CDH7: variants seen among roughly 807,000 people sequenced by gnomAD.
The protein encoded by CDH7 is cadherin 7.
Under a neutral mutation model 71.8 loss-of-function variants are expected in CDH7, and 25 were observed. The ratio of observed to expected loss-of-function variants is 0.35; its 90% CI spans 0.25 to 0.49. The LOEUF (loss-of-function observed/expected upper bound fraction) is 0.49, where lower values mean the gene tolerates loss of function less well. Ranked by LOEUF, CDH7 falls within the 20% of genes least tolerant of loss-of-function variation. CDH7 has a pLI of 0.99. For synonymous variants in CDH7, 381 were observed against 363.8 expected (o/e 1.05, Z -0.54); for missense variants, 862 against 974.6 (o/e 0.88, Z 1.54).
rs142237499 is a variant in CDH7 at position 65,828,071 on chromosome 18, T to C, written c.981+3240T>C. 1.6e-3 allele frequency among the ~76,000 whole-genome samples: 242 copies of C among 151,858 alleles called. 1 individual carries two copies. Among genetic ancestry groups the C allele is most frequent in the African/African-American group, 5.7e-3 (236 of 41,454 alleles). On this transcript the variant is annotated intron_variant, in intron 6 of 11. Transcript: ENST00000397968. ...GAGTAGATACTAGATAGTGGGAAAA[T>C]TAACTAGTATACAGGAGCTTAATTT...
intron 2 of CDH7, among the ~76,000 whole-genome samples, chr18:65,800,262 A>G (rs764097965): frequency 1.4e-4 from 21 of 151,768 alleles, no homozygotes; most frequent in Non-Finnish European, 2.9e-4. Flanking sequence ...TGTATTTTTA[A>G]TAGAGACAGG....
At chr18:65,794,469 C>T (rs1910834266) in intron 2 of CDH7, among the ~76,000 whole-genome samples, 1 of 151,740 alleles carries the variant, frequency 6.6e-6, no homozygotes, top group Non-Finnish European at 1.5e-5. Context: ...TAAAACCATC[C>T]TTATTCAGAG....
intron 2 of CDH7, among the ~76,000 whole-genome samples, chr18:65,807,443 A>G (rs1185759756): frequency 6.6e-6 from 1 of 152,214 alleles, no homozygotes; most frequent in Non-Finnish European, 1.5e-5. Context: ...CTGTAAATGA[A>G]AGTCGTTAAT....
rs1386216752 is a variant in CDH7 at position 65,883,157 on chromosome 18, A to G, written c.*2263A>G. On this transcript the variant is annotated 3_prime_UTR_variant, in exon 12 of 12. Transcript: ENST00000397968. ...AAATAATAATTTAAAATTATTGCAT[A>G]TACCCAATTGCTATTTATGTGTGGA... The G allele has an allele frequency of 6.6e-6, 1 of 152,108 alleles. No individual in the cohort carries two copies. Among genetic ancestry groups the G allele is most frequent in the Non-Finnish European group, 1.5e-5 (1 of 67,956 alleles). 9.4% of individuals were successfully genotyped at this position (152,108 alleles called of 1,614,324 possible).
chr18:65,846,491 T>G (rs1041293311), intron 7 of CDH7, among the ~76,000 whole-genome samples: 1 of 152,198 alleles, frequency 6.6e-6, no homozygotes, highest in Non-Finnish European at 1.5e-5. Context: ...TAGAATTAAT[T>G]TCTTGAGTCA....
chr18:65,857,745 T>G (rs1344176731), intron 7 of CDH7, 71 bp from the exon 8 acceptor site: 3 of 1,449,722 alleles, frequency 2.1e-6, no homozygotes, highest in Non-Finnish European at 2.9e-6. Context: ...ACACAAATAA[T>G]GAAATAGTTT....
chr18:65,843,449 G>T (rs561253018), intron 6 of CDH7, among the ~76,000 whole-genome samples: 2 of 152,138 alleles, frequency 1.3e-5, no homozygotes, highest in Non-Finnish European at 2.9e-5. Flanking sequence ...TTTTTAAAGT[G>T]CACCCTGGGT....
intron 4 of CDH7, among the ~76,000 whole-genome samples, chr18:65,817,767 G>A (rs965477910): frequency 7.2e-5 from 11 of 152,084 alleles, no homozygotes; most frequent in Non-Finnish European, 1.6e-4. Context: ...TAATAAAAGT[G>A]CCATACTTGA....
chr18:65,768,937 C>T (rs1449980920), intron 2 of CDH7, among the ~76,000 whole-genome samples: 3 of 151,868 alleles, frequency 2.0e-5, no homozygotes, highest in African/African-American at 7.3e-5. Flanking sequence ...TCTTTTCTCT[C>T]TCCTTTTTTT....
At chr18:65,797,234 A>G (rs909470359) in intron 2 of CDH7, among the ~76,000 whole-genome samples, 1 of 152,190 alleles carries the variant, frequency 6.6e-6, no homozygotes, top group Non-Finnish European at 1.5e-5. Flanking sequence ...GTTAATGGCT[A>G]TTTGAGAATG....
intron 2 of CDH7, among the ~76,000 whole-genome samples, chr18:65,784,255 G>GT (rs1204281156): frequency 6.6e-6 from 1 of 151,642 alleles, no homozygotes; most frequent in Non-Finnish European, 1.5e-5. Flanking sequence ...CTGAAAAGTT[G>GT]TAATTTTTAA....
intron 4 of CDH7, among the ~76,000 whole-genome samples, chr18:65,818,792 A>G (rs1911812424): frequency 6.6e-6 from 1 of 152,170 alleles, no homozygotes; most frequent in Non-Finnish European, 1.5e-5. Context: ...TAGTTCTTTA[A>G]AACAAAAGCA....
At chr18:65,776,858 G>A (rs2143819015) in intron 2 of CDH7, among the ~76,000 whole-genome samples, 1 of 152,270 alleles carries the variant, frequency 6.6e-6, no homozygotes, top group Admixed American at 6.5e-5. Context: ...TTTTTAGAAT[G>A]GTGAAATTCT....
chr18:65,839,105 C>T (rs1912635918), intron 6 of CDH7, among the ~76,000 whole-genome samples: 1 of 152,098 alleles, frequency 6.6e-6, no homozygotes, highest in Non-Finnish European at 1.5e-5. Flanking sequence ...ATATATATGA[C>T]CATGAGTTCA....
chr18:65,760,126 A>G (rs1916149129), intron 1 of CDH7, among the ~76,000 whole-genome samples: 1 of 152,184 alleles, frequency 6.6e-6, no homozygotes, highest in South Asian at 2.1e-4. Flanking sequence ...GTTTCAAACT[A>G]AAAAATATGA....
In CDH7 at chr18:65,754,499, G is replaced by C. The variant is rs576978913; in HGVS notation, c.-197+3349G>C. Among the ~76,000 whole-genome samples the C allele has an allele frequency of 2.6e-5, 4 of 152,290 alleles. No homozygotes were observed. In the South Asian group the frequency reaches 8.3e-4, roughly 32 times the overall value. ...AAAATTATACCTTTTAAGTACAAAA[G>C]AGAGAGCTCTTTCATCAGAATTAAA... On this transcript the variant is annotated intron_variant, in intron 1 of 11. Transcript: ENST00000397968.
intron 2 of CDH7, among the ~76,000 whole-genome samples, chr18:65,787,665 A>C (rs73963793): frequency 0.014 from 2,132 of 152,332 alleles, 51 homozygotes; most frequent in African/African-American, 0.048. Flanking sequence ...CAAAGTCATA[A>C]GGCAGAGCTG....
intron 7 of CDH7, among the ~76,000 whole-genome samples, chr18:65,846,072 A>T (rs1049539402): frequency 3.9e-5 from 6 of 152,120 alleles, no homozygotes; most frequent in Admixed American, 3.3e-4. Flanking sequence ...CATAGAAAAT[A>T]TTTCACTTTT....
intron 11 of CDH7, among the ~76,000 whole-genome samples, chr18:65,867,317 G>A (rs1211471468): frequency 1.3e-5 from 2 of 152,088 alleles, no homozygotes; most frequent in African/African-American, 4.8e-5. Flanking sequence ...TTACAGGCGT[G>A]AGCCACCGTG....
Sources: allele counts gnomAD v4.1 joint callset (sites outside exome capture counted in the v4.1 genomes callset), GRCh38; gene constraint gnomAD v4.1.1; transcripts MANE v1.5; gene names NCBI Gene and HGNC (gene_info 2026-07-23, HGNC 2026-07-21).